The following MASTL variants were observed in gnomAD, a reference collection of about 807,000 sequenced individuals.
The protein encoded by MASTL is serine/threonine-protein kinase greatwall.
Under a neutral mutation model 82.5 loss-of-function variants are expected in MASTL, and 54 were observed. That is an observed-to-expected ratio of 0.65 (90% CI 0.53 to 0.82). The LOEUF is 0.82. Ranked by LOEUF, MASTL falls within the 40% of genes least tolerant of loss-of-function variation. The pLI is 0.00. For synonymous variants in MASTL, 323 were observed against 368.9 expected (o/e 0.88, Z 1.43); for missense variants, 950 against 1,047.8 (o/e 0.91, Z 1.29).
At position 27,170,855 on chromosome 10, in the gene MASTL, C is replaced by A. The variant is rs746395448; in HGVS notation, c.1896C>A (p.Asn632Lys). 3 of 1,614,056 alleles carry A rather than the reference C, an allele frequency of 1.9e-6. No homozygotes were observed. Among genetic ancestry groups the A allele is most frequent in the Non-Finnish European group, 2.5e-6 (3 of 1,179,992 alleles). The change falls in exon 8 of 12, where the codon AAC becomes AAA. Residue 632 changes from asparagine (N) to lysine (K), a missense_variant. Physicochemically the swap from Asn to Lys is moderately conservative, Grantham distance 94 (BLOSUM62 0). Coordinates refer to ENST00000375940, the MANE Select transcript of MASTL (RefSeq NM_001172303.3). ...AGAACCCTGCTGTACAAGAGAGTAA[C>A]CAAAAAATGTTAGGTCCTCCTTTGG... Reference protein sequence around the residue: ...GVENPAVQESNQKMLGPPLEV... With the variant: ...GVENPAVQESKQKMLGPPLEV...
intron 1 of MASTL, among the ~76,000 whole-genome samples, chr10:27,157,898 C>T (rs1288454883): frequency 2.6e-5 from 4 of 151,944 alleles, no homozygotes; most frequent in East Asian, 3.8e-4. Flanking sequence ...AGTTACTCCA[C>T]GCCCAGGTGC....
intron 11 of MASTL, among the ~76,000 whole-genome samples, chr10:27,185,136 GAAGA>G (rs1318541753): frequency 6.6e-6 from 1 of 152,184 alleles, no homozygotes; most frequent in Admixed American, 6.5e-5. Context: ...GGAGCACAGG[GAAGA>G]AAGGGAGAAG....
intron 8 of MASTL, among the ~76,000 whole-genome samples, chr10:27,172,211 C>T (rs1484807490): frequency 6.6e-6 from 1 of 152,148 alleles, no homozygotes; most frequent in Non-Finnish European, 1.5e-5. Flanking sequence ...TTTGGGAAAA[C>T]ATCATAACAT....
At chr10:27,175,872 A>C (rs953474177) in intron 9 of MASTL, among the ~76,000 whole-genome samples, 1 of 152,068 alleles carries the variant, frequency 6.6e-6, no homozygotes, top group African/African-American at 2.4e-5. Context: ...CAAGTTGGGT[A>C]GATCACTTGA....
At chr10:27,169,190 ATATT>A (rs1564491482) in intron 7 of MASTL, among the ~76,000 whole-genome samples, 1 of 152,148 alleles carries the variant, frequency 6.6e-6, no homozygotes, top group Non-Finnish European at 1.5e-5. Flanking sequence ...GAAGTGATAT[ATATT>A]TACACTGACA....
At position 27,155,477 on chromosome 10, in the gene MASTL, T is replaced by C. The variant is rs1270076844; in HGVS notation, c.51T>C (p.Thr17=). Reference sequence around the variant, plus strand: ...AGGAGCCTGGAGGAGGCGCGGCGACTGAGGAGGGCGTGAATAGGATCGCAG... The same window carrying C: ...AGGAGCCTGGAGGAGGCGCGGCGACCGAGGAGGGCGTGAATAGGATCGCAG... ...SKKEPGGGAA[T]EEGVNRIAVP... Residue 17 remains threonine, a synonymous_variant, in exon 1 of 12, where the codon ACT becomes ACC. Coordinates refer to ENST00000375940, the MANE Select transcript of MASTL (RefSeq NM_001172303.3). 1 of 1,613,898 alleles carries C rather than the reference T, an allele frequency of 6.2e-7. No homozygotes were observed.
At chr10:27,172,991 A>G (rs1234662352) in intron 8 of MASTL, 127 bp from the exon 9 acceptor site, 2 of 1,099,622 alleles carry the variant, frequency 1.8e-6, no homozygotes, top group Non-Finnish European at 2.6e-6. Flanking sequence ...ACTTATCAAA[A>G]ATTTGACTAC....
At position 27,170,695 on chromosome 10, in the gene MASTL, T is replaced by C. The variant is rs150341657; in HGVS notation, c.1736T>C (p.Met579Thr). 950 of 1,612,854 alleles carry C rather than the reference T, an allele frequency of 5.9e-4. 6 individuals are homozygous for C. The African/African-American group carries it at 0.011, about 19-fold the overall frequency. ...SDSSFPGISIMESPLESQPLD... is the reference protein window; with the variant it reads ...SDSSFPGISITESPLESQPLD... ...TCATCTTTTCCTGGAATTTCTATAA[T>C]GGAAAGTCCATTAGAAAGTCAGCCC... is the stretch of plus-strand genomic sequence containing the variant. The change falls in exon 8 of 12, where the codon ATG becomes ACG. Residue 579 changes from methionine to threonine, a missense_variant. Physicochemically the swap from Met to Thr is moderately conservative, Grantham distance 81. Transcript: ENST00000375940.
intron 11 of MASTL, among the ~76,000 whole-genome samples, chr10:27,184,297 G>A (rs967227855): frequency 1.3e-5 from 2 of 152,188 alleles, no homozygotes; most frequent in African/African-American, 4.8e-5. Context: ...TCTGTGAAGA[G>A]GGGCATTTGA....
Position 27,186,663 on chromosome 10 carries a change from T to C in MASTL, c.*127T>C. ...TTAACCTAGTTCAATGTGCTTTTAA[T>C]GTACGTTACAGCTTTCACAGAGTTA... is the stretch of plus-strand genomic sequence containing the variant. On this transcript the variant is annotated 3_prime_UTR_variant, in exon 12 of 12. Transcript: ENST00000375940. 1.1e-6 allele frequency: 1 copy of C among 889,584 alleles called. No individual in the cohort carries two copies. The highest frequency in any genetic ancestry group is 1.6e-5 in the African/African-American group (1 of 61,600). 55.1% of individuals were successfully genotyped at this position (889,584 alleles called of 1,614,324 possible).
chr10:27,185,154 G>A (rs1443169026), intron 11 of MASTL, among the ~76,000 whole-genome samples: 1 of 152,164 alleles, frequency 6.6e-6, no homozygotes, highest in Non-Finnish European at 1.5e-5. Flanking sequence ...GGAGAAGGGG[G>A]TGAGCTTCAT....
rs2057511836 is a variant in MASTL at position 27,159,896 on chromosome 10, G to A, written c.464+138G>A. 4.1e-6 allele frequency: 3 copies of A among 732,052 alleles called. No homozygotes were observed. Among genetic ancestry groups the A allele is most frequent in the African/African-American group, 1.8e-5 (1 of 56,926 alleles). 45.3% of individuals were successfully genotyped at this position (732,052 alleles called of 1,614,324 possible). ...TTTACTAGTAACTTGTATTCATTTAGAAATTAACTCTTCTTTCATCTCCCT... is the reference window on the plus strand; with the variant it reads ...TTTACTAGTAACTTGTATTCATTTAAAAATTAACTCTTCTTTCATCTCCCT... On this transcript the variant is annotated intron_variant, in intron 3 of 11. Coordinates refer to ENST00000375940, the MANE Select transcript of MASTL (RefSeq NM_001172303.3). The surrounding 1 kb of genome is among the most constrained non-coding windows in gnomAD (Gnocchi z 4.0).
chr10:27,166,984 CTTAATACATATTAATATGTAATT>C, intron 6 of MASTL, 95 bp from the exon 7 acceptor site: 1 of 122,754 alleles, frequency 8.1e-6, no homozygotes, highest in Non-Finnish European at 1.8e-5. Flanking sequence ...ATATGTAATT[CTTAATACATATTAATATGTAATT>C]CTTGATACTT....
chr10:27,162,261 A>G (rs781353878), intron 4 of MASTL, among the ~76,000 whole-genome samples: 2 of 152,274 alleles, frequency 1.3e-5, no homozygotes, highest in Non-Finnish European at 2.9e-5. Flanking sequence ...CAAAATACAC[A>G]TAAATGAAAT....
chr10:27,186,341 A>G, intron 11 of MASTL, 38 bp from the exon 12 acceptor site: 1 of 1,555,168 alleles, frequency 6.4e-7, no homozygotes, highest in Non-Finnish European at 8.9e-7. Context: ...TTACTTAGGT[A>G]ATGATATCAT....
intron 9 of MASTL, among the ~76,000 whole-genome samples, chr10:27,175,425 GC>G (rs368957107): frequency 0.012 from 1,826 of 152,078 alleles, 12 homozygotes; most frequent in Non-Finnish European, 0.018. Context: ...CAGGTGATCT[GC>G]CTGCCTTGGC....
In MASTL at chr10:27,186,780, T is replaced by G. The variant is rs2058782486; in HGVS notation, c.*244T>G. 2 of 487,078 alleles carry G rather than the reference T, an allele frequency of 4.1e-6. No individual in the cohort carries two copies. The highest frequency in any genetic ancestry group is 2.2e-5 in the South Asian group (1 of 45,372). The allele number at this position is 487,078 out of a possible 1,614,324, so 30.2% of individuals were successfully genotyped here. On this transcript the variant is annotated 3_prime_UTR_variant, in exon 12 of 12. Coordinates refer to ENST00000375940, the MANE Select transcript of MASTL (RefSeq NM_001172303.3). The stretch of plus-strand genomic sequence containing the variant: ...TTTTTTCATTTATTTATTTTGTTTA[T>G]TGCACTTTATGAAAACTGAAGCATC...
At chr10:27,173,441 C>T (rs1236051210) in intron 9 of MASTL, among the ~76,000 whole-genome samples, 182 bp downstream of exon 9, 2 of 152,156 alleles carry the variant, frequency 1.3e-5, no homozygotes, top group African/African-American at 4.8e-5. Context: ...GGCTGTCCCA[C>T]TCTCTGAATG....
chr10:27,182,121 T>C (rs1564506846), intron 11 of MASTL, among the ~76,000 whole-genome samples: 1 of 147,418 alleles, frequency 6.8e-6, no homozygotes, highest in Non-Finnish European at 1.5e-5. Context: ...CGTGGTGGCG[T>C]GCACCTGTAG....
Sources: gnomAD v4.1 joint callset for allele counts (sites outside exome capture counted in the v4.1 genomes callset) on GRCh38, gnomAD v4.1.1 for gene constraint, Gnocchi (gnomAD v3.1) non-coding constraint, MANE v1.5 for transcripts, NCBI Gene and HGNC (gene_info 2026-07-23, HGNC 2026-07-21) for gene names.